The following ANKFN1 variants were observed in gnomAD, a reference collection of about 807,000 sequenced individuals.
The protein encoded by ANKFN1 is ankyrin repeat and fibronectin type-III domain-containing protein 1.
ANKFN1 carries 74 observed loss-of-function variants against 108.7 expected under a neutral mutation model. That is an observed-to-expected ratio of 0.68 (90% CI 0.56 to 0.83). The LOEUF is 0.83. Ranked by LOEUF, ANKFN1 falls within the 40% of genes least tolerant of loss-of-function variation. ANKFN1 has a pLI of 0.00. For synonymous variants in ANKFN1, 547 were observed against 516.2 expected, an observed-to-expected ratio of 1.06 and a Z score of -0.81; for missense variants, 1,505 against 1,382.3, an observed-to-expected ratio of 1.09 and a Z score of -1.41.
Position 56,353,952 on chromosome 17 carries a change from C to T in ANKFN1, c.507C>T (p.Ser169=), listed in dbSNP as rs371699051. 22 of 1,614,014 alleles carry T rather than the reference C, an allele frequency of 1.4e-5. No individual in the cohort carries two copies. The highest frequency in any genetic ancestry group is 1.7e-4 in the Middle Eastern group (1 of 6,060). Residue 169 remains serine (S), a synonymous_variant, in exon 6 of 21, where the codon AGC becomes AGT. Coordinates refer to ENST00000682825, the MANE Select transcript of ANKFN1 (RefSeq NM_001370326.1). ...AACTTGACCTCAACACACCTAACAG[C>T]GAGGGCTTGACACCCCTGGATATTG... ...PEELDLNTPN[S]EGLTPLDIAI...
At chr17:56,048,643 G>T (rs1033204914) in intron 4 of ANKFN1, among the ~76,000 whole-genome samples, 1 of 152,176 alleles carries the variant, frequency 6.6e-6, no homozygotes. Context: ...AGGAAATCAA[G>T]CATCAAGCTC....
intron 11 of ANKFN1, among the ~76,000 whole-genome samples, chr17:56,456,271 A>G (rs1451831512): frequency 6.6e-6 from 1 of 152,206 alleles, no homozygotes; most frequent in East Asian, 1.9e-4. Context: ...ATTTCAAAGC[A>G]GAGAGTATCA....
At chr17:56,048,780 G>A (rs1904723580) in intron 4 of ANKFN1, among the ~76,000 whole-genome samples, 1 of 152,200 alleles carries the variant, frequency 6.6e-6, no homozygotes, top group Admixed American at 6.5e-5. Flanking sequence ...CTAGTTCCAA[G>A]CCCTAGAGCT....
At position 56,246,516 on chromosome 17, in the gene ANKFN1, AT is replaced by A. The variant is rs547488243; in HGVS notation, c.53+18563del. Among the ~76,000 whole-genome samples, 731 of 152,144 alleles carry A rather than the reference AT, an allele frequency of 4.8e-3. 4 individuals carry two copies. The highest frequency in any genetic ancestry group is 0.016 in the African/African-American group (683 of 41,524). ...ATTTGGTTTCTAGCCTTTTCTTAGT[AT>A]TTTCTTTACAAACTCCTTGTGCAAT... On this transcript the variant is annotated intron_variant, in intron 3 of 20. Coordinates refer to ENST00000682825, the MANE Select transcript of ANKFN1 (RefSeq NM_001370326.1).
intron 15 of ANKFN1, among the ~76,000 whole-genome samples, chr17:56,467,822 GA>G (rs1250302638): frequency 6.8e-4 from 37 of 54,468 alleles, no homozygotes; most frequent in African/African-American, 3.3e-3. Flanking sequence ...AAGAAAGAAA[GA>G]AAGAAAGAAA....
chr17:56,129,958 A>G (rs187913600), intron 4 of ANKFN1, among the ~76,000 whole-genome samples: 1 of 152,352 alleles, frequency 6.6e-6, no homozygotes, highest in East Asian at 1.9e-4. Flanking sequence ...ATAGCTTACT[A>G]TAATTCATTT....
chr17:56,129,705 G>C (rs1422590722), intron 4 of ANKFN1, among the ~76,000 whole-genome samples: 1 of 152,078 alleles, frequency 6.6e-6, no homozygotes, highest in Non-Finnish European at 1.5e-5. Context: ...TCAACGCTGT[G>C]GTTTTTAGGT....
intron 3 of ANKFN1, among the ~76,000 whole-genome samples, chr17:56,315,172 A>G (rs950587341): frequency 6.6e-6 from 1 of 152,216 alleles, no homozygotes; most frequent in Non-Finnish European, 1.5e-5. Context: ...TGAAATGTAA[A>G]TGCTCCTGAG....
chr17:56,385,832 A>T (rs909637210), intron 8 of ANKFN1, among the ~76,000 whole-genome samples: 1 of 152,172 alleles, frequency 6.6e-6, no homozygotes, highest in Non-Finnish European at 1.5e-5. Context: ...CAGATGCTGG[A>T]GAGGATGTGG....
At chr17:56,384,381 G>C (rs2047198406) in intron 8 of ANKFN1, among the ~76,000 whole-genome samples, 1 of 152,080 alleles carries the variant, frequency 6.6e-6, no homozygotes, top group South Asian at 2.1e-4. Context: ...CATACTGAAT[G>C]GGCAAAAACT....
chr17:56,488,882 C>G (rs920273489), intron 18 of ANKFN1, among the ~76,000 whole-genome samples: 1 of 152,222 alleles, frequency 6.6e-6, no homozygotes, highest in Non-Finnish European at 1.5e-5. Context: ...ATGCCTCATT[C>G]TTTCAGGGTA....
upstream of ANKFN1, chr17:56,153,340 C>A: frequency 1.4e-6 from 1 of 727,986 alleles, no homozygotes. Flanking sequence ...TGACCCTGCA[C>A]TGTAATCTGG....
At chr17:56,500,602 G>C (rs2051338427) in intron 20 of ANKFN1, among the ~76,000 whole-genome samples, 1 of 152,216 alleles carries the variant, frequency 6.6e-6, no homozygotes, top group African/African-American at 2.4e-5. Context: ...TGGAGGAGAT[G>C]ACAGAATCTG....
At chr17:56,105,765 G>C (rs1905740674) in intron 4 of ANKFN1, among the ~76,000 whole-genome samples, 1 of 151,476 alleles carries the variant, frequency 6.6e-6, no homozygotes, top group Non-Finnish European at 1.5e-5. Context: ...GAGGGAGAGA[G>C]AGAGTTACAT....
upstream of ANKFN1, among the ~76,000 whole-genome samples, chr17:56,152,855 G>A (rs566935334): frequency 1.3e-4 from 20 of 152,262 alleles, no homozygotes; most frequent in African/African-American, 4.8e-4. Flanking sequence ...AGAAAGGCCA[G>A]CCTCAGCCCT....
intron 4 of ANKFN1, among the ~76,000 whole-genome samples, chr17:56,146,892 G>T (rs559050008): frequency 2.0e-5 from 3 of 152,164 alleles, no homozygotes; most frequent in African/African-American, 7.2e-5. Flanking sequence ...AGAAAATGGG[G>T]TTTTCTTTTT....
In ANKFN1 at chr17:56,368,173, C is replaced by A. The variant is rs2046709280; in HGVS notation, c.602-4473C>A. 12 of 1,349,672 alleles carry A rather than the reference C, an allele frequency of 8.9e-6. No individual in the cohort carries two copies. The South Asian group carries it at 1.6e-4, about 18-fold the overall frequency. 83.6% of individuals were successfully genotyped at this position (1,349,672 alleles called of 1,614,324 possible). ...ACCACTGACTGATCCAGAGAATGAA[C>A]CTTTTGATGAAGATCAGCATACACA... On this transcript the variant is annotated intron_variant, in intron 6 of 20. Transcript: ENST00000682825.
At chr17:56,138,549 AC>A (rs1358248307) in intron 4 of ANKFN1, among the ~76,000 whole-genome samples, 6 of 145,286 alleles carry the variant, frequency 4.1e-5, no homozygotes, top group Non-Finnish European at 9.0e-5. Context: ...TTGCTCTGTC[AC>A]CCAGGCTGGA....
intron 1 of ANKFN1, among the ~76,000 whole-genome samples, chr17:56,196,603 G>C (rs777801242): frequency 2.6e-5 from 4 of 152,100 alleles, no homozygotes; most frequent in Non-Finnish European, 4.4e-5. Flanking sequence ...AGCAGAGCAT[G>C]GCACCACATA....
Sources: gnomAD v4.1 joint callset for allele counts (sites outside exome capture counted in the v4.1 genomes callset) on GRCh38, gnomAD v4.1.1 for gene constraint, MANE v1.5 for transcripts, NCBI Gene and HGNC (gene_info 2026-07-23, HGNC 2026-07-21) for gene names.